Variants in WDR1 observed in about 807,000 individuals in gnomAD.
WDR1 encodes the protein WD repeat domain 1.
In WDR1, 21 loss-of-function variants were observed where a neutral mutation model predicts 71.9. The ratio of observed to expected loss-of-function variants is 0.29; its 90% CI spans 0.21 to 0.42. The LOEUF is 0.42. WDR1 is among the 10% of genes least tolerant of loss of function. WDR1 has a pLI of 1.00. For synonymous variants in WDR1, 424 were observed against 347.4 expected, an observed-to-expected ratio of 1.22 and a Z score of -2.45; for missense variants, 696 against 824.5, an observed-to-expected ratio of 0.84 and a Z score of 1.91.
At chr4:10,096,034 CAACTA>C (rs1712331058) in intron 5 of WDR1, 1 of 152,198 alleles carries the variant, frequency 6.6e-6, no homozygotes. Flanking sequence ...TTAGAAAGGA[CAACTA>C]AAGAGAAAGA....
chr4:10,090,934 T>TG (rs758502045), intron 5 of WDR1, among the ~76,000 whole-genome samples: 1 of 152,234 alleles, frequency 6.6e-6, no homozygotes, highest in Non-Finnish European at 1.5e-5. Flanking sequence ...CTGTAGGTTG[T>TG]GGTCACCGCC....
intron 2 of WDR1, among the ~76,000 whole-genome samples, chr4:10,104,477 T>C (rs1712902260): frequency 1.3e-5 from 2 of 152,210 alleles, no homozygotes; most frequent in African/African-American, 2.4e-5. Context: ...CAGGACACGC[T>C]GTGGGAGCCC....
At chr4:10,102,945 A>AT (rs112439853) in intron 3 of WDR1, among the ~76,000 whole-genome samples, 1 of 152,212 alleles carries the variant, frequency 6.6e-6, no homozygotes, top group Non-Finnish European at 1.5e-5. Context: ...TTATGAATGA[A>AT]TGAGTGAGTG....
intron 2 of WDR1, chr4:10,106,695 CAA>C (rs1713039856): frequency 2.0e-5 from 3 of 152,264 alleles, no homozygotes; most frequent in Non-Finnish European, 4.4e-5. Context: ...CCCCAAAGGG[CAA>C]CAGAATCCTG....
At position 10,078,565 on chromosome 4, in the gene WDR1, C is replaced by A. The variant is rs1764886614; in HGVS notation, c.1395+326G>T. 4 of 244,416 alleles carry A rather than the reference C, an allele frequency of 1.6e-5. No individual in the cohort carries two copies. In the Admixed American group the frequency reaches 2.3e-4, roughly 14 times the overall value. 15.1% of individuals were successfully genotyped at this position (244,416 alleles called of 1,614,324 possible). ...TCCTGACCTGCTACCCTCTTGCGCTCCCCTCCTGCCGCCACTCATGGGGCT... is the reference window on the plus strand; with the variant it reads ...TCCTGACCTGCTACCCTCTTGCGCTACCCTCCTGCCGCCACTCATGGGGCT... On this transcript the variant is annotated intron_variant, in intron 12 of 14. Coordinates refer to ENST00000499869, the MANE Select transcript of WDR1 (RefSeq NM_017491.5).
At position 10,075,000 on chromosome 4, in the gene WDR1, C is replaced by A. The variant is rs567730155; in HGVS notation, c.*378G>T. The A allele has an allele frequency of 6.6e-6, 2 of 304,084 alleles. No homozygotes were observed. Among genetic ancestry groups the A allele is most frequent in the East Asian group, 1.2e-4 (2 of 17,354 alleles). 18.8% of individuals were successfully genotyped at this position (304,084 alleles called of 1,614,324 possible). ...TCTGCAGGCAGGAACATGAGCCCCC[C>A]GGCTCATTCACCTGTACAACCTCCC... On this transcript the variant is annotated 3_prime_UTR_variant, in exon 15 of 15. Coordinates refer to ENST00000499869, the MANE Select transcript of WDR1 (RefSeq NM_017491.5).
chr4:10,095,276 C>A (rs553687453), intron 5 of WDR1, among the ~76,000 whole-genome samples: 3 of 152,282 alleles, frequency 2.0e-5, no homozygotes, highest in Non-Finnish European at 4.4e-5. Flanking sequence ...GTGGATTTCA[C>A]AGCAAGTGGA....
chr4:10,088,178 G>A lies in WDR1; in HGVS notation c.717+115C>T, dbSNP rs1317496891. ...TTCTGGGCAGATATAAAACCGCCCCGACTTATAGCCCCTCATTTCAAGTTT... is the reference window on the plus strand; with the variant it reads ...TTCTGGGCAGATATAAAACCGCCCCAACTTATAGCCCCTCATTTCAAGTTT... On this transcript the variant is annotated intron_variant, in intron 7 of 14. Coordinates refer to ENST00000499869, the MANE Select transcript of WDR1 (RefSeq NM_017491.5). The A allele has an allele frequency of 2.4e-5, 26 of 1,098,322 alleles. 1 individual carries two copies. The East Asian group carries it at 5.4e-4, about 23-fold the overall frequency. 68.0% of individuals were successfully genotyped at this position (1,098,322 alleles called of 1,614,324 possible).
intron 3 of WDR1, 26 bp from the exon 4 acceptor site, chr4:10,099,165 GGGGGGAGGCGGTGGTGGGGTAAA>G: frequency 3.8e-6 from 5 of 1,309,202 alleles, no homozygotes; most frequent in Admixed American, 2.0e-5. Flanking sequence ...GGCGGGGGAG[GGGGGGAGGCGGTGGTGGGGTAAA>G]GGGCAGGGGG....
At chr4:10,106,112 G>T (rs1306695629) in intron 2 of WDR1, among the ~76,000 whole-genome samples, 2 of 151,286 alleles carry the variant, frequency 1.3e-5, no homozygotes, top group Non-Finnish European at 2.9e-5. Context: ...GGTGGAAGGG[G>T]TGGCGGGGGC....
At chr4:10,115,082 A>C (rs887674681) in intron 2 of WDR1, among the ~76,000 whole-genome samples, 2 of 152,254 alleles carry the variant, frequency 1.3e-5, no homozygotes, top group Admixed American at 6.5e-5. Flanking sequence ...GGCTGACTTT[A>C]AGTTGACAAC....
intron 8 of WDR1, among the ~76,000 whole-genome samples, chr4:10,086,841 C>T (rs1283114348): frequency 6.6e-6 from 1 of 152,218 alleles, no homozygotes; most frequent in Non-Finnish European, 1.5e-5. Context: ...GCCACCAGCG[C>T]TGGGGGAACC....
Position 10,077,755 on chromosome 4 carries a change from A to T in WDR1, c.1567T>A (p.Ser523Thr), listed in dbSNP as rs965380355. The T allele has an allele frequency of 6.3e-7, 1 of 1,582,626 alleles. No homozygotes were observed. Among genetic ancestry groups the T allele is most frequent in the Admixed American group, 1.8e-5 (1 of 56,258 alleles). ...VTVFSVADGY[S>T]ENNVFYGHHA... is the part of the protein sequence containing the mutation. ...AGGAGGAGCCCGCCGCCACTCACCGAGTAGCCGTCAGCAACGCTGAACACT... is the reference window on the plus strand; with the variant it reads ...AGGAGGAGCCCGCCGCCACTCACCGTGTAGCCGTCAGCAACGCTGAACACT... Residue 523 changes from serine to threonine, a missense_variant and splice_region_variant, in exon 13 of 15, where the codon TCG becomes ACG. Ser to Thr is a moderately conservative substitution (Grantham distance 58). Transcript: ENST00000499869.
chr4:10,100,796 C>T (rs781104503), intron 3 of WDR1, among the ~76,000 whole-genome samples: 30 of 152,336 alleles, frequency 2.0e-4, no homozygotes, highest in Non-Finnish European at 4.1e-4. Context: ...AAGAGGAAGT[C>T]ACCACAGGCT....
intron 14 of WDR1, 132 bp downstream of exon 14, chr4:10,077,172 T>C (rs1764831513): frequency 1.6e-6 from 2 of 1,267,616 alleles, no homozygotes; most frequent in Non-Finnish European, 2.1e-6. Flanking sequence ...CCCACAACTC[T>C]TCCGGGCCAC....
At chr4:10,116,596 ACCGGGGC>A (rs1161713798) in intron 1 of WDR1, 48 bp downstream of exon 1, 167 of 1,153,232 alleles carry the variant, frequency 1.4e-4, no homozygotes, top group Non-Finnish European at 1.6e-4. Flanking sequence ...GGGGCCGGGG[ACCGGGGC>A]CGGGGCAGCG....
chr4:10,080,610 C>T (rs909875288), intron 11 of WDR1, among the ~76,000 whole-genome samples: 1 of 152,248 alleles, frequency 6.6e-6, no homozygotes, highest in Non-Finnish European at 1.5e-5. Flanking sequence ...CCACTCGTGC[C>T]AACAGGTGCC....
Position 10,075,238 on chromosome 4 carries a change from G to A in WDR1, c.*140C>T, listed in dbSNP as rs1764754556. On this transcript the variant is annotated 3_prime_UTR_variant, in exon 15 of 15. Coordinates refer to ENST00000499869, the MANE Select transcript of WDR1 (RefSeq NM_017491.5). The stretch of plus-strand genomic sequence containing the variant: ...GTGTACAGACACCCTGCAGAGACGA[G>A]GGTCATGACTGGGCCCTCCTGCCTC... 23 of 680,222 alleles carry A rather than the reference G, an allele frequency of 3.4e-5. 1 individual carries two copies. In the South Asian group the frequency reaches 3.8e-4, roughly 11 times the overall value. The allele number at this position is 680,222 out of a possible 1,614,324, so 42.1% of individuals were successfully genotyped here. A position where few individuals can be genotyped will look rare whatever the true frequency, so the allele number is the denominator to read the frequency against.
At chr4:10,084,675 T>G (rs1765142802) in intron 8 of WDR1, 145 bp from the exon 9 acceptor site, 1 of 731,254 alleles carries the variant, frequency 1.4e-6, no homozygotes, top group Non-Finnish European at 2.4e-6. Context: ...GAGGCCCCAG[T>G]AGCCCCAGCT....
Sources: allele counts gnomAD v4.1 joint callset (sites outside exome capture counted in the v4.1 genomes callset), GRCh38; gene constraint gnomAD v4.1.1; transcripts MANE v1.5; gene names NCBI Gene and HGNC (gene_info 2026-07-23, HGNC 2026-07-21).